Variants in ANKS1B observed in about 807,000 individuals in gnomAD.
ANKS1B encodes ankyrin repeat and sterile alpha motif domain containing 1B, also known as ankyrin repeat and sterile alpha motif domain-containing protein 1B.
A neutral mutation model predicts 148.3 loss-of-function variants in ANKS1B; 36 were observed. The ratio of observed to expected loss-of-function variants is 0.24; its 90% confidence interval spans 0.19 to 0.32. ANKS1B has a LOEUF of 0.32. Among genes scored for constraint, ANKS1B ranks in the 10% least tolerant of loss-of-function variants. The pLI is 1.00. For missense variants in ANKS1B, 1,157 were observed against 1,542.6 expected (o/e 0.75, Z 4.19); for synonymous variants, 542 against 560.8 (o/e 0.97, Z 0.47).
intron 17 of ANKS1B, among the ~76,000 whole-genome samples, chr12:98,962,396 A>G (rs1028687565): frequency 6.7e-6 from 1 of 148,594 alleles, no homozygotes; most frequent in African/African-American, 2.4e-5. Context: ...AATTATATAT[A>G]TATATAATAT....
At chr12:99,264,835 G>T (rs1371152095) in intron 12 of ANKS1B, among the ~76,000 whole-genome samples, 7 of 152,108 alleles carry the variant, frequency 4.6e-5, no homozygotes, top group African/African-American at 1.7e-4. Context: ...TAGGTTAACT[G>T]CCAGTTCTGC....
chr12:99,501,004 T>A (rs1218643826), intron 10 of ANKS1B, among the ~76,000 whole-genome samples: 1 of 152,186 alleles, frequency 6.6e-6, no homozygotes, highest in East Asian at 1.9e-4. Flanking sequence ...TTCAGCTGAA[T>A]CTCATCTGCT....
At chr12:99,080,632 G>C (rs1384875289) in intron 16 of ANKS1B, among the ~76,000 whole-genome samples, 1 of 152,166 alleles carries the variant, frequency 6.6e-6, no homozygotes, top group Non-Finnish European at 1.5e-5. Context: ...TCCTTTGAAT[G>C]CCTGACCTTC....
At chr12:99,349,170 G>A (rs1410719404) in intron 12 of ANKS1B, among the ~76,000 whole-genome samples, 1 of 151,838 alleles carries the variant, frequency 6.6e-6, no homozygotes, top group Non-Finnish European at 1.5e-5. Flanking sequence ...GAAAGAACAA[G>A]TGAGAAATGT....
intron 17 of ANKS1B, among the ~76,000 whole-genome samples, chr12:98,968,803 C>A (rs61932197): frequency 1.3e-5 from 2 of 151,848 alleles, no homozygotes; most frequent in Non-Finnish European, 2.9e-5. Context: ...GGAGGGTAAC[C>A]GCTTTCCAGA....
At chr12:99,435,094 C>T (rs995840606) in intron 11 of ANKS1B, among the ~76,000 whole-genome samples, 4 of 152,030 alleles carry the variant, frequency 2.6e-5, no homozygotes, top group African/African-American at 9.7e-5. Flanking sequence ...GAATAATATT[C>T]CACTGGCATA....
At position 99,626,929 on chromosome 12, in the gene ANKS1B, C is replaced by T. The variant is rs571117213; in HGVS notation, c.1272+28138G>A. On this transcript the variant is annotated intron_variant, in intron 9 of 26. Coordinates refer to ENST00000683438, the MANE Select transcript of ANKS1B (RefSeq NM_001352186.2). ...CTTTCATCTTTCTATGATTGTTTCTCCCTTCTATTATAAAATATGCACTGG... is the reference window on the plus strand; with the variant it reads ...CTTTCATCTTTCTATGATTGTTTCTTCCTTCTATTATAAAATATGCACTGG... Among the ~76,000 whole-genome samples the T allele has an allele frequency of 2.6e-5, 4 of 152,224 alleles. No homozygotes were observed. The East Asian group carries it at 7.7e-4, about 29-fold the overall frequency.
chr12:98,851,857 C>A (rs953348184), intron 17 of ANKS1B, among the ~76,000 whole-genome samples: 2 of 150,828 alleles, frequency 1.3e-5, no homozygotes, highest in African/African-American at 4.9e-5. Context: ...AACCCCATCT[C>A]TACTAAAAAT....
intron 1 of ANKS1B, among the ~76,000 whole-genome samples, chr12:99,869,493 G>A (rs2091209368): frequency 6.6e-6 from 1 of 151,954 alleles, no homozygotes; most frequent in Non-Finnish European, 1.5e-5. Flanking sequence ...GACCAACATG[G>A]AGAAACCCAT....
intron 9 of ANKS1B, among the ~76,000 whole-genome samples, chr12:99,555,089 T>G (rs2097262380): frequency 6.6e-6 from 1 of 152,200 alleles, no homozygotes; most frequent in Non-Finnish European, 1.5e-5. Context: ...TCCATGTCTT[T>G]GCTATTGTGA....
chr12:99,134,982 A>C (rs2067519412), intron 15 of ANKS1B, among the ~76,000 whole-genome samples: 1 of 152,190 alleles, frequency 6.6e-6, no homozygotes, highest in South Asian at 2.1e-4. Flanking sequence ...ACGAGCGACA[A>C]AGATCAAATG....
chr12:99,791,210 T>C (rs1184055719), intron 4 of ANKS1B, among the ~76,000 whole-genome samples: 1 of 151,998 alleles, frequency 6.6e-6, no homozygotes, highest in Non-Finnish European at 1.5e-5. Flanking sequence ...AAGGGGTCAA[T>C]TCAGCAAGAG....
intron 12 of ANKS1B, among the ~76,000 whole-genome samples, chr12:99,394,160 C>T (rs367985607): frequency 6.6e-6 from 1 of 152,178 alleles, no homozygotes; most frequent in Non-Finnish European, 1.5e-5. Context: ...TCCTCAAACT[C>T]TACATTTCCT....
intron 9 of ANKS1B, among the ~76,000 whole-genome samples, chr12:99,537,661 C>T (rs548544597): frequency 1.3e-5 from 2 of 152,188 alleles, no homozygotes; most frequent in African/African-American, 2.4e-5. Context: ...TTATTAATCC[C>T]TTGTCAAATG....
At chr12:99,321,246 G>A (rs1203046690) in intron 12 of ANKS1B, among the ~76,000 whole-genome samples, 3 of 152,192 alleles carry the variant, frequency 2.0e-5, no homozygotes, top group African/African-American at 7.2e-5. Flanking sequence ...AGACAGGGAG[G>A]TTTAACTCTG....
At chr12:99,942,921 C>T (rs547604881) in intron 1 of ANKS1B, among the ~76,000 whole-genome samples, 21 of 152,252 alleles carry the variant, frequency 1.4e-4, no homozygotes, top group African/African-American at 5.1e-4. Context: ...TCAGCATCAT[C>T]TTATCTGTGT....
chr12:99,274,571 C>T (rs1053719682), intron 12 of ANKS1B, among the ~76,000 whole-genome samples: 2 of 152,182 alleles, frequency 1.3e-5, no homozygotes, highest in African/African-American at 4.8e-5. Flanking sequence ...AGCGCTTCTG[C>T]TAACACCTGC....
intron 9 of ANKS1B, 128 bp from the exon 10 acceptor site, chr12:99,504,769 G>A: frequency 9.0e-6 from 6 of 666,266 alleles, no homozygotes; most frequent in Non-Finnish European, 1.4e-5. Flanking sequence ...TGATTCATCT[G>A]TTTGAATAAA....
intron 17 of ANKS1B, among the ~76,000 whole-genome samples, chr12:99,025,598 A>G (rs1245341692): frequency 6.6e-6 from 1 of 152,166 alleles, no homozygotes; most frequent in East Asian, 1.9e-4. Flanking sequence ...TGAGAGTTGG[A>G]TTTGAAATAG....
Sources: allele counts gnomAD v4.1 joint callset (sites outside exome capture counted in the v4.1 genomes callset), GRCh38; gene constraint gnomAD v4.1.1; transcripts MANE v1.5; gene names NCBI Gene and HGNC (gene_info 2026-07-23, HGNC 2026-07-21).